NPTXR: variants seen among roughly 807,000 people sequenced by gnomAD.
The protein encoded by NPTXR is neuronal pentraxin receptor.
Under a neutral mutation model 32.2 loss-of-function variants are expected in NPTXR, and 12 were observed. That is an observed-to-expected ratio of 0.37 (90% CI 0.24 to 0.60). The LOEUF is 0.60. Ranked by LOEUF, NPTXR falls within the 20% of genes least tolerant of loss-of-function variation. The probability of loss-of-function intolerance (pLI) is 0.66; values close to 1 mark genes in which losing one functional copy is unlikely to be tolerated. For synonymous variants in NPTXR, 323 were observed against 315.8 expected, an observed-to-expected ratio of 1.02 and a Z score of -0.24; for missense variants, 612 against 682.9, an observed-to-expected ratio of 0.90 and a Z score of 1.16.
At chr22:38,825,062 C>T (rs2093104300) in intron 3 of NPTXR, among the ~76,000 whole-genome samples, 1 of 152,190 alleles carries the variant, frequency 6.6e-6, no homozygotes, top group South Asian at 2.1e-4. Context: ...AACAATGTGG[C>T]AGGTTGGGGA....
intron 1 of NPTXR, among the ~76,000 whole-genome samples, chr22:38,837,431 G>A (rs919891267): frequency 2.0e-5 from 3 of 152,216 alleles, no homozygotes; most frequent in African/African-American, 7.2e-5. Context: ...GCAGGGTCAG[G>A]GGAACCAGTG....
intron 1 of NPTXR, among the ~76,000 whole-genome samples, chr22:38,841,400 G>A (rs1159269207): frequency 6.6e-6 from 1 of 152,262 alleles, no homozygotes; most frequent in South Asian, 2.1e-4. Context: ...CGGGCTAACC[G>A]GAAGGGAGGC....
rs1218944312 is a variant in NPTXR at position 38,823,176 on chromosome 22, G to A, written c.1185C>T (p.Ala395=). ...AGCCCTGCAGCTCCCCGTCCTGGTAGGCAGACCATAGGCCATCCCTTGTGG... is the reference window on the plus strand; with the variant it reads ...AGCCCTGCAGCTCCCCGTCCTGGTAAGCAGACCATAGGCCATCCCTTGTGG... Residue 395 remains alanine, a synonymous_variant, in exon 4 of 5, where the codon GCC becomes GCT. Coordinates refer to ENST00000333039, the MANE Select transcript of NPTXR (RefSeq NM_014293.4). 2.5e-6 allele frequency: 4 copies of A among 1,614,008 alleles called. No homozygotes were observed. The highest frequency in any genetic ancestry group is 2.5e-6 in the Non-Finnish European group (3 of 1,180,030).
intron 1 of NPTXR, among the ~76,000 whole-genome samples, chr22:38,837,144 A>G (rs1417025436): frequency 6.6e-6 from 1 of 152,228 alleles, no homozygotes; most frequent in Non-Finnish European, 1.5e-5. Context: ...CATTTCAGAC[A>G]GGAAACTGAG....
intron 1 of NPTXR, among the ~76,000 whole-genome samples, chr22:38,836,853 C>T (rs1038681462): frequency 6.6e-6 from 1 of 152,132 alleles, no homozygotes; most frequent in African/African-American, 2.4e-5. Context: ...CTTGCTCTGT[C>T]GCCCAGGCTG....
intron 3 of NPTXR, among the ~76,000 whole-genome samples, chr22:38,823,768 G>C (rs1056696560): frequency 6.6e-6 from 1 of 152,174 alleles, no homozygotes. Context: ...TCAGACAAGG[G>C]ATGACAAGTC....
chr22:38,842,500 C>A (rs1482529055), intron 1 of NPTXR, among the ~76,000 whole-genome samples: 2 of 152,218 alleles, frequency 1.3e-5, no homozygotes, highest in Non-Finnish European at 2.9e-5. Context: ...TTCCCCCATG[C>A]TGGACCCCTT....
In NPTXR at chr22:38,818,528, A is replaced by T. The variant is rs564938593; in HGVS notation, c.*4081T>A. 1 of 152,610 alleles carries T rather than the reference A, an allele frequency of 6.6e-6. No individual in the cohort carries two copies. The highest frequency in any genetic ancestry group is 2.1e-4 in the South Asian group (1 of 4,814). The allele number at this position is 152,610 out of a possible 1,614,324, so 9.5% of individuals were successfully genotyped here. ...AGGTAACAAAACCATGACACAGATC[A>T]CACACACATACACACACACACACAC... On this transcript the variant is annotated 3_prime_UTR_variant, in exon 5 of 5. Coordinates refer to ENST00000333039, the MANE Select transcript of NPTXR (RefSeq NM_014293.4). This position sits in a 1 kb window ranked among gnomAD's most constrained non-coding sequence, Gnocchi z 4.5.
At chr22:38,829,590 C>A (rs1033002372) in intron 1 of NPTXR, among the ~76,000 whole-genome samples, 2 of 152,184 alleles carry the variant, frequency 1.3e-5, no homozygotes, top group Non-Finnish European at 2.9e-5. Context: ...CTGGATTCCC[C>A]CTCCTCCATG....
In NPTXR at chr22:38,828,282, C is replaced by A; in HGVS notation, c.850+5G>T. The A allele has an allele frequency of 6.2e-7, 1 of 1,612,276 alleles. No individual in the cohort carries two copies. The highest frequency in any genetic ancestry group is 8.5e-7 in the Non-Finnish European group (1 of 1,179,268). On this transcript the variant is annotated splice_donor_5th_base_variant and intron_variant, in intron 2 of 4. Transcript: ENST00000333039. ...CCAATGCCCTCTGCAGGACCCAGGA[C>A]CCACCGTGCTCCAGCTCAGCCACAC...
intron 2 of NPTXR, 50 bp downstream of exon 2, chr22:38,828,237 C>T (rs1281955258): frequency 6.8e-7 from 1 of 1,476,574 alleles, no homozygotes. Flanking sequence ...TTGAATGGCT[C>T]TGTCATCCTG....
intron 1 of NPTXR, among the ~76,000 whole-genome samples, chr22:38,841,968 G>A (rs1003669037): frequency 1.3e-5 from 2 of 152,186 alleles, no homozygotes; most frequent in African/African-American, 4.8e-5. Context: ...TCTGAGCTGA[G>A]TTTTCTCATC....
chr22:38,822,573 G>A lies in NPTXR; in HGVS notation c.*36C>T, dbSNP rs1291723537. On this transcript the variant is annotated 3_prime_UTR_variant, in exon 5 of 5. Coordinates refer to ENST00000333039, the MANE Select transcript of NPTXR (RefSeq NM_014293.4). ...ATGACCCCCCTCAAGTCCCCAAAGT[G>A]GCAGGCAAGGGAGGGGCCCTGGATG... 1.3e-6 allele frequency: 2 copies of A among 1,552,526 alleles called. No individual in the cohort carries two copies. Among genetic ancestry groups the A allele is most frequent in the South Asian group, 2.3e-5 (2 of 85,492 alleles).
intron 1 of NPTXR, among the ~76,000 whole-genome samples, chr22:38,837,093 C>A (rs1014128623): frequency 3.3e-5 from 5 of 152,214 alleles, no homozygotes; most frequent in African/African-American, 1.2e-4. Flanking sequence ...GGATTACAGG[C>A]GTGAGCCACC....
At chr22:38,823,307 C>T in intron 3 of NPTXR, 45 bp from the exon 4 acceptor site, 1 of 1,583,700 alleles carries the variant, frequency 6.3e-7, no homozygotes, top group Non-Finnish European at 8.6e-7. Flanking sequence ...GCCCCAAGGC[C>T]CAAGGCCCAT....
intron 1 of NPTXR, among the ~76,000 whole-genome samples, chr22:38,841,812 C>T (rs2093132039): frequency 6.6e-6 from 1 of 152,192 alleles, no homozygotes; most frequent in Non-Finnish European, 1.5e-5. Context: ...ACTAAGACTT[C>T]CCTTCATTGC....
rs900977014 is a variant in NPTXR, at chr22:38,823,211, T to C, written c.1150A>G (p.Ile384Val). ...AGGCCATCCCTTGTGGTCCAGGCGA[T>C]GCAGATGTGGTGCCAGCCATTGTCC... Residue 384 changes from isoleucine to valine, a missense_variant, in exon 4 of 5, where the codon ATC becomes GTC. By Grantham distance (29) the Ile-to-Val change is conservative. Coordinates refer to ENST00000333039, the MANE Select transcript of NPTXR (RefSeq NM_014293.4). The C allele has an allele frequency of 1.2e-6, 2 of 1,613,738 alleles. No homozygotes were observed. The highest frequency in any genetic ancestry group is 2.7e-5 in the African/African-American group (2 of 74,936).
chr22:38,831,186 C>T (rs144864304), intron 1 of NPTXR, among the ~76,000 whole-genome samples: 18 of 152,166 alleles, frequency 1.2e-4, no homozygotes, highest in Non-Finnish European at 2.4e-4. Context: ...CCAAGACAGG[C>T]GCTTGAGCCC....
intron 3 of NPTXR, among the ~76,000 whole-genome samples, chr22:38,825,840 CTTTTTTTTT>C (rs11364544): frequency 8.7e-6 from 1 of 115,472 alleles, no homozygotes; most frequent in Admixed American, 8.5e-5. Flanking sequence ...CTCTCTCTCT[CTTTTTTTTT>C]TTTTTTTTTT....
Sources: gnomAD v4.1 joint callset for allele counts (sites outside exome capture counted in the v4.1 genomes callset) on GRCh38, gnomAD v4.1.1 for gene constraint, Gnocchi (gnomAD v3.1) non-coding constraint, MANE v1.5 for transcripts, NCBI Gene and HGNC (gene_info 2026-07-23, HGNC 2026-07-21) for gene names.